The following ZNF385D variants were observed in gnomAD, a reference collection of about 807,000 sequenced individuals.
The protein encoded by ZNF385D is zinc finger protein 659.
Under a neutral mutation model 35.8 loss-of-function variants are expected in ZNF385D, and 15 were observed. The observed-to-expected ratio is 0.42, with a 90% confidence interval of 0.28 to 0.64. The LOEUF (loss-of-function observed/expected upper bound fraction) is 0.64, where lower values mean the gene tolerates loss of function less well. Ranked by LOEUF, ZNF385D falls within the 30% of genes least tolerant of loss-of-function variation. ZNF385D has a pLI of 0.23. For missense variants in ZNF385D, 474 were observed against 494.6 expected, an observed-to-expected ratio of 0.96 and a Z score of 0.39; for synonymous variants, 212 against 186.8, an observed-to-expected ratio of 1.13 and a Z score of -1.10.
chr3:22,013,495 A>G (rs1400426062), intron 3 of ZNF385D, among the ~76,000 whole-genome samples: 2 of 152,046 alleles, frequency 1.3e-5, no homozygotes, highest in African/African-American at 4.8e-5. Context: ...GGACCTTTTG[A>G]TGTTTGATAT....
intron 3 of ZNF385D, among the ~76,000 whole-genome samples, chr3:21,988,807 T>C (rs1418195429): frequency 1.3e-5 from 2 of 152,050 alleles, no homozygotes; most frequent in Non-Finnish European, 2.9e-5. Context: ...ACTGCTGTGC[T>C]AGCAATCAGC....
intron 2 of ZNF385D, among the ~76,000 whole-genome samples, chr3:22,278,096 T>C (rs1198762842): frequency 2.0e-5 from 3 of 152,118 alleles, no homozygotes; most frequent in Non-Finnish European, 4.4e-5. Flanking sequence ...TTTTCTACAC[T>C]GCATCACTTG....
At position 21,941,451 on chromosome 3, in the gene ZNF385D, A is replaced by T. The variant is rs577999292; in HGVS notation, c.325+227366T>A. Among the ~76,000 whole-genome samples, 3 of 145,062 alleles carry T rather than the reference A, an allele frequency of 2.1e-5. No homozygotes were observed. In the East Asian group the frequency reaches 6.1e-4, roughly 30 times the overall value. On this transcript the variant is annotated intron_variant, in intron 3 of 5. Transcript: ENST00000494108. ...CTACCAAGTATAGTGATTAAGCAGG[A>T]TGTTTTCTATGGTCTTTTTCCATTT...
At chr3:22,332,329 C>G (rs891886194) in intron 2 of ZNF385D, among the ~76,000 whole-genome samples, 13 of 152,130 alleles carry the variant, frequency 8.5e-5, no homozygotes, top group African/African-American at 3.1e-4. Context: ...GGTTTTCACC[C>G]AGATGGCCTC....
intron 5 of ZNF385D, among the ~76,000 whole-genome samples, chr3:21,429,467 G>C (rs1298745096): frequency 6.6e-6 from 1 of 151,948 alleles, no homozygotes; most frequent in Non-Finnish European, 1.5e-5. Context: ...TTAGACATTT[G>C]TATTATTTCC....
Position 21,418,307 on chromosome 3 carries a change from G to T in ZNF385D, c.*2907C>A, listed in dbSNP as rs1700598690. 6.6e-6 allele frequency: 1 copy of T among 152,058 alleles called. No homozygotes were observed. The highest frequency in any genetic ancestry group is 1.5e-5 in the Non-Finnish European group (1 of 67,992). The allele number at this position is 152,058 out of a possible 1,614,324, so 9.4% of individuals were successfully genotyped here. A position where few individuals can be genotyped will look rare whatever the true frequency, so the allele number is the denominator to read the frequency against. ...TTGTGGATCTTTATTCATGAAAAAA[G>T]TTCCCTAAGGGAAAAGATACAGTTT... On this transcript the variant is annotated 3_prime_UTR_variant, in exon 8 of 8. Coordinates refer to ENST00000281523, the MANE Select transcript of ZNF385D (RefSeq NM_024697.3).
At chr3:21,994,866 G>C (rs1186209908) in intron 3 of ZNF385D, among the ~76,000 whole-genome samples, 1 of 152,208 alleles carries the variant, frequency 6.6e-6, no homozygotes, top group African/African-American at 2.4e-5. Context: ...AGTGGAAGTG[G>C]TGGTAAGGCT....
intron 3 of ZNF385D, among the ~76,000 whole-genome samples, chr3:22,136,643 G>A (rs1389870067): frequency 6.6e-6 from 1 of 152,118 alleles, no homozygotes; most frequent in South Asian, 2.1e-4. Flanking sequence ...TAACAAACAA[G>A]CATATCGCTT....
intron 2 of ZNF385D, among the ~76,000 whole-genome samples, chr3:21,608,678 C>G (rs968901777): frequency 1.3e-5 from 2 of 152,160 alleles, no homozygotes; most frequent in Non-Finnish European, 2.9e-5. Context: ...TATTTTAACT[C>G]TGATCATCTG....
intron 2 of ZNF385D, among the ~76,000 whole-genome samples, chr3:21,633,852 C>T (rs1426896920): frequency 6.6e-6 from 1 of 151,844 alleles, no homozygotes; most frequent in Non-Finnish European, 1.5e-5. Context: ...ATGATCTTAT[C>T]CTATAATAAT....
intron 3 of ZNF385D, among the ~76,000 whole-genome samples, chr3:21,932,166 C>CAAAAAAAAAAAAAAAAAAAAAAAA (rs543138588): frequency 9.0e-5 from 5 of 55,338 alleles, no homozygotes; most frequent in South Asian, 8.8e-4. Flanking sequence ...GACTCATTCT[C>CAAAAAAAAAAAAAAAAAAAAAAAA]AAAAAAAAAA....
At chr3:21,752,013 C>CCT (rs1553652576), upstream of ZNF385D, among the ~76,000 whole-genome samples, 2 of 53,816 alleles carry the variant, frequency 3.7e-5, no homozygotes, top group Non-Finnish European at 8.2e-5. Flanking sequence ...ACCCACCCCC[C>CCT]TCCCCCCCCC....
chr3:21,963,923 A>G (rs1702736932), intron 3 of ZNF385D, among the ~76,000 whole-genome samples: 1 of 152,210 alleles, frequency 6.6e-6, no homozygotes, highest in Admixed American at 6.5e-5. Context: ...TAGAATGGCT[A>G]CTAATATTAA....
intron 2 of ZNF385D, among the ~76,000 whole-genome samples, chr3:22,269,459 T>C (rs968732215): frequency 6.6e-6 from 1 of 151,894 alleles, no homozygotes; most frequent in African/African-American, 2.4e-5. Flanking sequence ...TAAATGCATA[T>C]CTTTCCAGGG....
In ZNF385D at chr3:21,844,765, T is replaced by C. The variant is rs56107488; in HGVS notation, c.326-179737A>G. Among the ~76,000 whole-genome samples the C allele has an allele frequency of 4.7e-3, 712 of 152,112 alleles. 6 individuals carry two copies. Among genetic ancestry groups the C allele is most frequent in the Non-Finnish European group, 8.1e-3 (548 of 67,908 alleles). On this transcript the variant is annotated intron_variant, in intron 3 of 5. Transcript: ENST00000494108. ...AAATTGTTCACATTCTACCTGATGC[T>C]AGTATTTTCATTTAGTTTTGGAAGG...
At chr3:22,014,443 C>T (rs369705010) in intron 3 of ZNF385D, among the ~76,000 whole-genome samples, 1 of 152,040 alleles carries the variant, frequency 6.6e-6, no homozygotes, top group African/African-American at 2.4e-5. Flanking sequence ...CTCTGAAGAG[C>T]AGAAACCAAT....
intron 3 of ZNF385D, among the ~76,000 whole-genome samples, chr3:22,128,456 G>A (rs1251665797): frequency 1.3e-5 from 2 of 151,934 alleles, no homozygotes; most frequent in East Asian, 3.9e-4. Context: ...GTTCTCTGTT[G>A]TCTCTCTGAA....
At chr3:21,987,298 G>A (rs1490323908) in intron 3 of ZNF385D, among the ~76,000 whole-genome samples, 1 of 136,008 alleles carries the variant, frequency 7.4e-6, no homozygotes, top group East Asian at 2.0e-4. Context: ...ATTTTGCAGT[G>A]GCTGGTACCG....
intron 3 of ZNF385D, among the ~76,000 whole-genome samples, chr3:21,810,903 G>A (rs2072889240): frequency 6.7e-6 from 1 of 150,274 alleles, no homozygotes; most frequent in African/African-American, 2.5e-5. Flanking sequence ...GTTTATATAT[G>A]TACATATATA....
Sources: allele counts gnomAD v4.1 joint callset (sites outside exome capture counted in the v4.1 genomes callset), GRCh38; gene constraint gnomAD v4.1.1; transcripts MANE v1.5; gene names NCBI Gene and HGNC (gene_info 2026-07-23, HGNC 2026-07-21).